The following TRIM9 variants were observed in gnomAD, a reference collection of about 807,000 sequenced individuals.
TRIM9 encodes the protein tripartite motif containing 9, also known as E3 ubiquitin-protein ligase TRIM9.
In TRIM9, 26 loss-of-function variants were observed where a neutral mutation model predicts 78.3. The observed-to-expected ratio is 0.33, with a 90% confidence interval of 0.24 to 0.46. The LOEUF (loss-of-function observed/expected upper bound fraction) is 0.46, where lower values mean the gene tolerates loss of function less well. Among genes scored for constraint, TRIM9 ranks in the 20% least tolerant of loss-of-function variants. The pLI, the probability that TRIM9 is intolerant of heterozygous loss-of-function variation, is 1.00. For missense variants in TRIM9, 787 were observed against 1,036.4 expected, an observed-to-expected ratio of 0.76 and a Z score of 3.30; for synonymous variants, 398 against 416.5, an observed-to-expected ratio of 0.96 and a Z score of 0.54.
intron 1 of TRIM9, among the ~76,000 whole-genome samples, chr14:51,078,716 T>C (rs1402678424): frequency 6.6e-6 from 1 of 152,098 alleles, no homozygotes; most frequent in Non-Finnish European, 1.5e-5. Context: ...TATACAGAGA[T>C]AGAGAATAAA....
chr14:51,050,728 C>G (rs922940987), intron 1 of TRIM9, among the ~76,000 whole-genome samples: 2 of 152,120 alleles, frequency 1.3e-5, no homozygotes, highest in African/African-American at 4.8e-5. Flanking sequence ...TTCTCCCTCA[C>G]TCTCTCTGTT....
chr14:51,000,642 C>A (rs747018975), intron 6 of TRIM9, 41 bp downstream of exon 6: 3 of 1,608,298 alleles, frequency 1.9e-6, no homozygotes, highest in South Asian at 1.1e-5. Flanking sequence ...GACAGAGTCA[C>A]TGCTTTGGGT....
intron 6 of TRIM9, among the ~76,000 whole-genome samples, chr14:50,999,049 C>A (rs1396195423): frequency 6.6e-6 from 1 of 152,120 alleles, no homozygotes; most frequent in Non-Finnish European, 1.5e-5. Flanking sequence ...ACTTTACGTG[C>A]ATATGAATCA....
chr14:51,072,161 C>G lies in TRIM9; in HGVS notation c.822+21957G>C, dbSNP rs542406421. Among the ~76,000 whole-genome samples, 144 of 152,270 alleles carry G rather than the reference C, an allele frequency of 9.5e-4. 1 individual carries two copies. In the South Asian group the frequency reaches 0.028, roughly 29 times the overall value. On this transcript the variant is annotated intron_variant, in intron 1 of 12. Transcript: ENST00000684578. ...AGCCTTCAGGAGGTTCCAGGAATAG[C>G]CTCAGTTCTTTCTGGAACATTCCAG... is the stretch of plus-strand genomic sequence containing the variant.
intron 1 of TRIM9, among the ~76,000 whole-genome samples, chr14:51,030,160 T>A (rs2058604274): frequency 6.6e-6 from 1 of 152,228 alleles, no homozygotes; most frequent in South Asian, 2.1e-4. Flanking sequence ...GACAACTTTG[T>A]CAACTACTGG....
At chr14:51,016,260 T>C (rs1472564881) in intron 3 of TRIM9, among the ~76,000 whole-genome samples, 1 of 152,166 alleles carries the variant, frequency 6.6e-6, no homozygotes, top group Non-Finnish European at 1.5e-5. Flanking sequence ...CTGGCACTGG[T>C]CCGTGGCCTG....
intron 12 of TRIM9, chr14:50,978,755 T>C (rs577365932): frequency 3.1e-6 from 1 of 323,980 alleles, no homozygotes; most frequent in East Asian, 2.2e-4. Flanking sequence ...AAGATTTTTA[T>C]CTGTTTTTTT....
At chr14:51,018,414 CCT>C (rs1372429878) in intron 3 of TRIM9, among the ~76,000 whole-genome samples, 2 of 151,614 alleles carry the variant, frequency 1.3e-5, no homozygotes, top group Admixed American at 1.3e-4. Flanking sequence ...GGATTATTTG[CCT>C]GTCATAAAAC....
At chr14:51,055,360 T>A (rs1047056324) in intron 1 of TRIM9, among the ~76,000 whole-genome samples, 26 of 152,336 alleles carry the variant, frequency 1.7e-4, no homozygotes, top group African/African-American at 6.3e-4. Flanking sequence ...GGTAGAATAA[T>A]GGCACCCCAA....
At chr14:51,065,688 T>C (rs1331273466) in intron 1 of TRIM9, among the ~76,000 whole-genome samples, 1 of 152,190 alleles carries the variant, frequency 6.6e-6, no homozygotes, top group Non-Finnish European at 1.5e-5. Flanking sequence ...GAGTTGGGAT[T>C]CACTTCATGA....
chr14:51,035,357 T>C lies in TRIM9; in HGVS notation c.823-9997A>G, dbSNP rs931771288. Reference sequence around the variant, plus strand: ...TCTAAGTGGAAACTTGAGGGATGAATAAGAAGTCTATCCTTTCTTAGCACT... The same window carrying C: ...TCTAAGTGGAAACTTGAGGGATGAACAAGAAGTCTATCCTTTCTTAGCACT... On this transcript the variant is annotated intron_variant, in intron 1 of 12. Coordinates refer to ENST00000684578, the MANE Select transcript of TRIM9 (RefSeq NM_001387360.1). Among the ~76,000 whole-genome samples, 6 of 152,208 alleles carry C rather than the reference T, an allele frequency of 3.9e-5. 1 individual carries two copies. The highest frequency in any genetic ancestry group is 3.9e-4 in the Admixed American group (6 of 15,288).
chr14:51,054,497 A>C (rs947769204), intron 1 of TRIM9, among the ~76,000 whole-genome samples: 14 of 151,796 alleles, frequency 9.2e-5, no homozygotes, highest in Admixed American at 7.2e-4. Flanking sequence ...GCTAGTCTGG[A>C]ACTCCTGGGC....
At chr14:50,984,260 T>C (rs6572717) in intron 8 of TRIM9, among the ~76,000 whole-genome samples, 13,380 of 152,284 alleles carry the variant, frequency 0.088, 1,325 homozygotes, top group African/African-American at 0.24. Flanking sequence ...TATTTTCTTT[T>C]CTATTTAGTA....
chr14:51,084,329 AT>A (rs2063569853), intron 1 of TRIM9, among the ~76,000 whole-genome samples: 1 of 152,184 alleles, frequency 6.6e-6, no homozygotes, highest in Admixed American at 6.5e-5. Flanking sequence ...ATATTTCTTG[AT>A]TCTTTAAGTA....
Position 51,009,209 on chromosome 14 carries a change from C to G in TRIM9, c.1177G>C (p.Val393Leu). 1 of 1,614,070 alleles carries G rather than the reference C, an allele frequency of 6.2e-7. No individual in the cohort carries two copies. The highest frequency in any genetic ancestry group is 1.6e-4 in the Middle Eastern group (1 of 6,062). The change falls in exon 5 of 13, where the codon GTG becomes CTG. Residue 393 changes from valine to leucine, a missense_variant. By Grantham distance (32) the Val-to-Leu change is conservative. This residue lies in a region of TRIM9 where 421 missense variants were observed against 514.3 expected (regional missense o/e 0.82). Transcript: ENST00000684578. ...CCCCACTGATCCTCAGTCAGGTGCA[C>G]TCTTCTTATGAGGGCGTCAGAAATC... The part of the protein sequence containing the change: ...LQISDALIRR[V>L]HLTEDQWGKG...
chr14:51,075,061 T>C (rs1436875950), intron 1 of TRIM9, among the ~76,000 whole-genome samples: 1 of 152,238 alleles, frequency 6.6e-6, no homozygotes, highest in Non-Finnish European at 1.5e-5. Flanking sequence ...TCAGTAAGTC[T>C]AGATCCCAAT....
intron 5 of TRIM9, among the ~76,000 whole-genome samples, chr14:51,008,335 C>G (rs1361791982): frequency 6.6e-6 from 1 of 152,144 alleles, no homozygotes; most frequent in African/African-American, 2.4e-5. Flanking sequence ...ACCATCAAAG[C>G]AAGCTGGGTA....
Position 50,977,066 on chromosome 14 carries a change from G to A in TRIM9, c.*225C>T, listed in dbSNP as rs1168973406. 1 of 367,942 alleles carries A rather than the reference G, an allele frequency of 2.7e-6. No homozygotes were observed. The highest frequency in any genetic ancestry group is 2.1e-5 in the African/African-American group (1 of 47,984). The allele number at this position is 367,942 out of a possible 1,614,324, so 22.8% of individuals were successfully genotyped here. A position where few individuals can be genotyped will look rare whatever the true frequency, so the allele number is the denominator to read the frequency against. On this transcript the variant is annotated 3_prime_UTR_variant, in exon 13 of 13. Coordinates refer to ENST00000684578, the MANE Select transcript of TRIM9 (RefSeq NM_001387360.1). ...GGTGGGCTGTCTAGGTCCTTTGTTG[G>A]TTAGAATTGTTGGACATGGAAGCGG...
At chr14:51,007,219 T>C (rs1206859776) in intron 5 of TRIM9, among the ~76,000 whole-genome samples, 1 of 152,210 alleles carries the variant, frequency 6.6e-6, no homozygotes, top group Non-Finnish European at 1.5e-5. Context: ...ACATATTTTT[T>C]CCTTTAAGCT....
Sources: gnomAD v4.1 joint callset for allele counts (sites outside exome capture counted in the v4.1 genomes callset) on GRCh38, gnomAD v4.1.1 for gene constraint, gnomAD v4.1.1 regional missense constraint, MANE v1.5 for transcripts, NCBI Gene and HGNC (gene_info 2026-07-23, HGNC 2026-07-21) for gene names.